AMN: variants seen among roughly 807,000 people sequenced by gnomAD.
The protein encoded by AMN is amnion associated transmembrane protein.
Under a neutral mutation model 49.1 loss-of-function variants are expected in AMN, and 40 were observed. The observed-to-expected ratio is 0.81, with a 90% CI of 0.63 to 1.06. The LOEUF (loss-of-function observed/expected upper bound fraction) is 1.06, where lower values mean the gene tolerates loss of function less well. Ranked by LOEUF, AMN falls within the 50% of genes least tolerant of loss-of-function variation. The pLI is 0.00. For synonymous variants in AMN, 380 were observed against 313.3 expected (o/e 1.21, Z -2.25); for missense variants, 701 against 662.8 (o/e 1.06, Z -0.63).
At position 102,929,111 on chromosome 14, in the gene AMN, C is replaced by T; in HGVS notation, c.514-10C>T. 2 of 1,597,592 alleles carry T rather than the reference C, an allele frequency of 1.3e-6. No individual in the cohort carries two copies. Among genetic ancestry groups the T allele is most frequent in the South Asian group, 2.2e-5 (2 of 91,054 alleles). On this transcript the variant is annotated splice_polypyrimidine_tract_variant and intron_variant, in intron 5 of 11. Coordinates refer to ENST00000299155, the MANE Select transcript of AMN (RefSeq NM_030943.4). The stretch of plus-strand genomic sequence containing the variant: ...CGGGCTGGCTCCGGTGGGGACCCGG[C>T]TGCCCGCAGACGTTCACGCGCGACG...
rs187061779 is a variant in AMN at position 102,927,263 on chromosome 14, T to G, written c.208-1163T>G. On this transcript the variant is annotated intron_variant, in intron 3 of 11. Coordinates refer to ENST00000299155, the MANE Select transcript of AMN (RefSeq NM_030943.4). The stretch of plus-strand genomic sequence containing the variant: ...TATATCCTCTTTTTATTTTTAAATT[T>G]TTTGTAGAGATGGAGTCTCACTATG... Among the ~76,000 whole-genome samples the G allele has an allele frequency of 1.8e-3, 279 of 152,368 alleles. 1 individual carries two copies. The highest frequency in any genetic ancestry group is 6.4e-3 in the African/African-American group (266 of 41,588).
At chr14:102,924,358 T>C (rs954942933) in intron 3 of AMN, among the ~76,000 whole-genome samples, 2 of 151,840 alleles carry the variant, frequency 1.3e-5, no homozygotes, top group African/African-American at 2.4e-5. Context: ...CCCCCCCCTC[T>C]ACCCACCATC....
In AMN at chr14:102,930,060, C is replaced by T. The variant is rs1891300458; in HGVS notation, c.980C>T (p.Ala327Val). The T allele has an allele frequency of 5.8e-6, 9 of 1,545,206 alleles. No homozygotes were observed. Among genetic ancestry groups the T allele is most frequent in the Non-Finnish European group, 7.0e-6 (8 of 1,145,962 alleles). Residue 327 changes from alanine (A) to valine (V), a missense_variant, in exon 9 of 12, where the codon GCC becomes GTC. Physicochemically the swap from Ala to Val is moderately conservative, Grantham distance 64. Coordinates refer to ENST00000299155, the MANE Select transcript of AMN (RefSeq NM_030943.4). ...GGCGGAGCGGGGCGGCTGGCCCGGG[C>T]CCTCCTGGCGGACGTCGCCGAGAAC... The part of the protein sequence containing the change: ...ETGGAGRLAR[A>V]LLADVAENGE...
chr14:102,929,354 G>C, intron 6 of AMN, 74 bp from the exon 7 acceptor site: 1 of 1,506,838 alleles, frequency 6.6e-7, no homozygotes, highest in Non-Finnish European at 8.8e-7. Flanking sequence ...TCGCCGGCTT[G>C]CTTCTCGGAG....
intron 3 of AMN, among the ~76,000 whole-genome samples, chr14:102,926,026 C>G (rs1891179361): frequency 6.6e-6 from 1 of 152,212 alleles, no homozygotes; most frequent in African/African-American, 2.4e-5. Context: ...CTACCTTTTG[C>G]CTGCTTTCTT....
chr14:102,925,762 C>T (rs1247502189), intron 3 of AMN, among the ~76,000 whole-genome samples: 1 of 152,196 alleles, frequency 6.6e-6, no homozygotes, highest in African/African-American at 2.4e-5. Flanking sequence ...CCGGTGGGAA[C>T]AGCGCAGGGG....
intron 3 of AMN, among the ~76,000 whole-genome samples, chr14:102,927,053 C>T (rs777029447): frequency 2.1e-4 from 32 of 152,114 alleles, no homozygotes; most frequent in Non-Finnish European, 3.4e-4. Context: ...CCACCACGCC[C>T]GGCTAATTTT....
At chr14:102,928,613 G>A in intron 4 of AMN, 100 bp downstream of exon 4, 2 of 1,482,170 alleles carry the variant, frequency 1.3e-6, no homozygotes, top group Non-Finnish European at 1.8e-6. Context: ...GAGGGAGGGC[G>A]CCTCCGGGGG....
At chr14:102,928,361 GC>G in intron 3 of AMN, 64 bp from the exon 4 acceptor site, 1 of 1,435,132 alleles carries the variant, frequency 7.0e-7, no homozygotes. Flanking sequence ...GGGACTGGGG[GC>G]GGGGTGGGCG....
Position 102,929,976 on chromosome 14 carries a change from G to T in AMN, c.896G>T (p.Arg299Leu). The change falls in exon 9 of 12, where the codon CGG (arginine) becomes CTG (leucine). Residue 299 changes from arginine (R) to leucine (L), a missense_variant. Transcript: ENST00000299155. ...GTGTCCAAGGTGCCACGCTCGTCCCGGCTCCGTGAGGCCGATACGGAGATC... is the reference window on the plus strand; with the variant it reads ...GTGTCCAAGGTGCCACGCTCGTCCCTGCTCCGTGAGGCCGATACGGAGATC... ...VAVSKVPRSSRLREADTEIQV... is the reference protein window; with the variant it reads ...VAVSKVPRSSLLREADTEIQV... The T allele has an allele frequency of 6.4e-7, 1 of 1,564,268 alleles. No homozygotes were observed. The highest frequency in any genetic ancestry group is 8.7e-7 in the Non-Finnish European group (1 of 1,155,392).
intron 3 of AMN, among the ~76,000 whole-genome samples, chr14:102,924,187 T>C (rs1368858031): frequency 6.6e-6 from 1 of 152,136 alleles, no homozygotes; most frequent in South Asian, 2.1e-4. Context: ...GGCTGTGTCC[T>C]GGGAGGGATG....
At chr14:102,924,287 C>T (rs1891139045) in intron 3 of AMN, among the ~76,000 whole-genome samples, 2 of 152,282 alleles carry the variant, frequency 1.3e-5, no homozygotes, top group Middle Eastern at 6.8e-3. Flanking sequence ...CCCCCAAAGC[C>T]TTGCCTTGTC....
chr14:102,926,495 G>T (rs537087281), intron 3 of AMN, among the ~76,000 whole-genome samples: 1 of 152,194 alleles, frequency 6.6e-6, no homozygotes, highest in Non-Finnish European at 1.5e-5. Context: ...CCTGCTCCAA[G>T]GTTCTTTGTG....
chr14:102,925,775 G>C (rs1891173420), intron 3 of AMN, among the ~76,000 whole-genome samples: 2 of 152,166 alleles, frequency 1.3e-5, no homozygotes, highest in African/African-American at 2.4e-5. Context: ...CGCAGGGGCA[G>C]GGGACAGTGG....
chr14:102,925,431 G>C (rs549275515), intron 3 of AMN, among the ~76,000 whole-genome samples: 8 of 152,346 alleles, frequency 5.3e-5, no homozygotes, highest in Non-Finnish European at 8.8e-5. Context: ...CCCACAGCAA[G>C]ATGGCGACGC....
chr14:102,923,590 GGGGTTCCTATGCGTCCC>G (rs1301414336), intron 1 of AMN, 104 bp from the exon 2 acceptor site: 17 of 941,012 alleles, frequency 1.8e-5, no homozygotes, highest in Non-Finnish European at 2.8e-5. Flanking sequence ...CCCCGGGGAT[GGGGTTCCTATGCGTCCC>G]GGGTGATCCG....
At chr14:102,928,682 CGCGTGGCGTGGCGTG>C (rs554429778) in intron 4 of AMN, 61 bp from the exon 5 acceptor site, 16 of 1,536,360 alleles carry the variant, frequency 1.0e-5, no homozygotes, top group Admixed American at 3.7e-5. Flanking sequence ...CGTGCTCAGA[CGCGTGGCGTGGCGTG>C]GCGTGGCGTG....
rs1190233 is a variant in AMN, at chr14:102,930,718, G to A, written c.*38G>A. The A allele has an allele frequency of 4.9e-5, 76 of 1,546,134 alleles. No individual in the cohort carries two copies. The highest frequency in any genetic ancestry group is 1.4e-4 in the South Asian group (12 of 84,182). ...CCGTCGACCTTGGGGCTCTCCACCC[G>A]CTCTGGCCCCAGTCGAACTGGGGGC... is the stretch of plus-strand genomic sequence containing the variant. On this transcript the variant is annotated 3_prime_UTR_variant, in exon 12 of 12. Transcript: ENST00000299155.
In AMN at chr14:102,923,747, A is replaced by G; in HGVS notation, c.80A>G (p.Asn27Ser). The G allele has an allele frequency of 7.4e-6, 12 of 1,612,774 alleles. No homozygotes were observed. Among genetic ancestry groups the G allele is most frequent in the Non-Finnish European group, 7.6e-6 (9 of 1,179,856 alleles). Reference protein sequence around the residue: ...TQAVSKLWVPNTDFDVAANWS... With the variant: ...TQAVSKLWVPSTDFDVAANWS... ...GCGGTCTCCAAACTCTGGGTCCCCA[A>G]CACGGACTTCGACGTCGCAGCCAAC... is the stretch of plus-strand genomic sequence containing the variant. Residue 27 changes from asparagine (N) to serine (S), a missense_variant, in exon 2 of 12, where the codon AAC becomes AGC. By Grantham distance (46) the Asn-to-Ser change is conservative (BLOSUM62 1). Transcript: ENST00000299155.
Sources: gnomAD v4.1 joint callset for allele counts (sites outside exome capture counted in the v4.1 genomes callset) on GRCh38, gnomAD v4.1.1 for gene constraint, MANE v1.5 for transcripts, NCBI Gene and HGNC (gene_info 2026-07-23, HGNC 2026-07-21) for gene names.